ZNF131: variants seen among roughly 807,000 people sequenced by gnomAD.
ZNF131 encodes the protein zinc finger protein 131.
A neutral mutation model predicts 60.0 loss-of-function variants in ZNF131; 7 were observed. That is an observed-to-expected ratio of 0.12 (90% CI 0.07 to 0.22). ZNF131 has a LOEUF of 0.22. Among genes scored for constraint, ZNF131 ranks in the 10% least tolerant of loss-of-function variants. The pLI, the probability that ZNF131 is intolerant of heterozygous loss-of-function variation, is 1.00. For synonymous variants in ZNF131, 257 were observed against 253.2 expected, an observed-to-expected ratio of 1.01 and a Z score of -0.14; for missense variants, 493 against 740.9, an observed-to-expected ratio of 0.67 and a Z score of 3.88.
chr5:43,155,224 A>G lies in ZNF131; in HGVS notation c.372-6025A>G, dbSNP rs533278356. Among the ~76,000 whole-genome samples, 6 of 152,250 alleles carry G rather than the reference A, an allele frequency of 3.9e-5. No homozygotes were observed. The South Asian group carries it at 1.2e-3, about 32-fold the overall frequency. The stretch of plus-strand genomic sequence containing the variant: ...CTACTTTCTTAAGTATACCATTTCT[A>G]TTTGACAAGTGACACTTGGTGGGCA... On this transcript the variant is annotated intron_variant, in intron 4 of 6. Transcript: ENST00000682664.
At chr5:43,156,096 A>T (rs988045692) in intron 4 of ZNF131, among the ~76,000 whole-genome samples, 5 of 152,172 alleles carry the variant, frequency 3.3e-5, no homozygotes, top group Non-Finnish European at 5.9e-5. Flanking sequence ...TACTTATGGG[A>T]TGAAGAAGTA....
At position 43,138,593 on chromosome 5, in the gene ZNF131, G is replaced by A. The variant is rs796361897; in HGVS notation, c.227-572G>A. 2.6e-5 allele frequency among the ~76,000 whole-genome samples: 4 copies of A among 152,246 alleles called. 1 individual carries two copies. Among genetic ancestry groups the A allele is most frequent in the African/African-American group, 9.6e-5 (4 of 41,542 alleles). ...CTTGAATCTGGGAGGCAGAGGTTGT[G>A]AGCCAAGATCACTGTATTGCACTCC... On this transcript the variant is annotated intron_variant, in intron 3 of 6. Coordinates refer to ENST00000682664, the MANE Select transcript of ZNF131 (RefSeq NM_001330707.2).
intron 5 of ZNF131, among the ~76,000 whole-genome samples, chr5:43,172,244 T>G (rs973849787): frequency 2.6e-5 from 4 of 152,366 alleles, no homozygotes; most frequent in Non-Finnish European, 5.9e-5. Flanking sequence ...AACTTGGTGT[T>G]TCACTGGGTT....
intron 5 of ZNF131, among the ~76,000 whole-genome samples, chr5:43,166,198 T>C (rs1750324882): frequency 6.6e-6 from 1 of 152,256 alleles, no homozygotes; most frequent in Non-Finnish European, 1.5e-5. Flanking sequence ...CATATGTTCA[T>C]TAGTGTAGCA....
intron 5 of ZNF131, among the ~76,000 whole-genome samples, chr5:43,171,108 C>A (rs1353689482): frequency 1.3e-5 from 2 of 151,804 alleles, no homozygotes; most frequent in Non-Finnish European, 2.9e-5. Flanking sequence ...CCACCCCCAG[C>A]TAATTATTTT....
Position 43,121,760 on chromosome 5 carries a change from G to T in ZNF131, c.-15-279G>T, listed in dbSNP as rs879857049. 1.4e-5 allele frequency: 3 copies of T among 219,038 alleles called. No homozygotes were observed. In the Admixed American group the frequency reaches 1.7e-4, roughly 13 times the overall value. The allele number at this position is 219,038 out of a possible 1,614,324, so 13.6% of individuals were successfully genotyped here. On this transcript the variant is annotated intron_variant, in intron 1 of 6. Coordinates refer to ENST00000682664, the MANE Select transcript of ZNF131 (RefSeq NM_001330707.2). ...GTCCCCTCCCTTGTTGGACTTGCGCGCCCTGGCGCTCGGAACCTCCGGCGC... is the reference window on the plus strand; with the variant it reads ...GTCCCCTCCCTTGTTGGACTTGCGCTCCCTGGCGCTCGGAACCTCCGGCGC...
At chr5:43,160,756 T>C (rs1179734895) in intron 4 of ZNF131, among the ~76,000 whole-genome samples, 1 of 146,676 alleles carries the variant, frequency 6.8e-6, no homozygotes, top group Non-Finnish European at 1.5e-5. Context: ...CGATCTTGGC[T>C]CACCCCAACC....
At chr5:43,146,862 C>T (rs148668317) in intron 4 of ZNF131, among the ~76,000 whole-genome samples, 145 of 152,166 alleles carry the variant, frequency 9.5e-4, no homozygotes, top group Admixed American at 2.4e-3. Context: ...GCCGAGATCA[C>T]GCCATTGCAT....
intron 3 of ZNF131, among the ~76,000 whole-genome samples, chr5:43,131,463 G>A (rs182223219): frequency 3.6e-4 from 55 of 152,290 alleles, no homozygotes; most frequent in African/African-American, 1.2e-3. Flanking sequence ...GTGAGCCACC[G>A]CGCCTGGCCC....
intron 6 of ZNF131, among the ~76,000 whole-genome samples, 188 bp from the exon 7 acceptor site, chr5:43,174,259 G>T (rs925404576): frequency 6.6e-6 from 1 of 152,212 alleles, no homozygotes; most frequent in Non-Finnish European, 1.5e-5. Context: ...GTTACTAGCT[G>T]TGTCAGCTAG....
At chr5:43,168,045 A>T (rs1481697146) in intron 5 of ZNF131, 3 of 423,292 alleles carry the variant, frequency 7.1e-6, no homozygotes, top group Non-Finnish European at 1.4e-5. Flanking sequence ...GGAGTTGAGC[A>T]TGCTAGCTCA....
rs508747 is a variant in ZNF131 at position 43,138,802 on chromosome 5, A to C, written c.227-363A>C. On this transcript the variant is annotated intron_variant, in intron 3 of 6. Coordinates refer to ENST00000682664, the MANE Select transcript of ZNF131 (RefSeq NM_001330707.2). ...TGAAATAAAGTCAGAGAGGTACTAA[A>C]TTTTGTTTGCTAAGTTGTGAAAAGC... Among the ~76,000 whole-genome samples the C allele has an allele frequency of 7.1e-3, 1,076 of 152,308 alleles. 19 individuals are homozygous for C. The highest frequency in any genetic ancestry group is 0.025 in the African/African-American group (1,043 of 41,574).
intron 5 of ZNF131, among the ~76,000 whole-genome samples, chr5:43,170,584 T>G (rs1194790674): frequency 2.6e-5 from 4 of 152,090 alleles, no homozygotes; most frequent in African/African-American, 4.8e-5. Context: ...TCCAGCAGAT[T>G]ACTTATCTTC....
chr5:43,144,315 G>A (rs1414150226), intron 4 of ZNF131, among the ~76,000 whole-genome samples: 7 of 114,838 alleles, frequency 6.1e-5, no homozygotes, highest in African/African-American at 1.3e-4. Flanking sequence ...CGCAACCTCC[G>A]CCTGCCAGGT....
intron 2 of ZNF131, among the ~76,000 whole-genome samples, chr5:43,122,953 T>C (rs1561379573): frequency 6.6e-6 from 1 of 152,216 alleles, no homozygotes; most frequent in Non-Finnish European, 1.5e-5. Flanking sequence ...GTCAAGAGGC[T>C]CCTTACCTAG....
intron 3 of ZNF131, among the ~76,000 whole-genome samples, chr5:43,133,045 C>G (rs17242918): frequency 1.3e-5 from 2 of 152,002 alleles, no homozygotes; most frequent in Non-Finnish European, 2.9e-5. Context: ...AATAGTGTCT[C>G]GTAGCCTTTC....
chr5:43,153,179 C>T (rs1748535628), intron 4 of ZNF131, among the ~76,000 whole-genome samples: 3 of 152,160 alleles, frequency 2.0e-5, no homozygotes, highest in South Asian at 4.2e-4. Context: ...GTCAGTATTC[C>T]TATAAGATGA....
intron 4 of ZNF131, among the ~76,000 whole-genome samples, chr5:43,153,064 A>G (rs1240984060): frequency 6.6e-6 from 1 of 152,172 alleles, no homozygotes; most frequent in Admixed American, 6.5e-5. Context: ...AGGTACAAGA[A>G]GGGCAAGGAC....
intron 4 of ZNF131, among the ~76,000 whole-genome samples, chr5:43,157,372 T>C (rs1403167403): frequency 1.3e-5 from 2 of 152,180 alleles, no homozygotes; most frequent in Admixed American, 6.5e-5. Flanking sequence ...TTTCCCTTCT[T>C]TTACATTCAT....
Sources: allele counts gnomAD v4.1 joint callset (sites outside exome capture counted in the v4.1 genomes callset), GRCh38; gene constraint gnomAD v4.1.1; transcripts MANE v1.5; gene names NCBI Gene and HGNC (gene_info 2026-07-23, HGNC 2026-07-21).